Variants in ARHGEF3 observed in about 807,000 individuals in gnomAD.
ARHGEF3 encodes Rho guanine nucleotide exchange factor 3.
Under a neutral mutation model 63.2 loss-of-function variants are expected in ARHGEF3, and 28 were observed. That is an observed-to-expected ratio of 0.44 (90% CI 0.33 to 0.61). The LOEUF (loss-of-function observed/expected upper bound fraction) is 0.61. Among genes scored for constraint, ARHGEF3 ranks in the 20% least tolerant of loss-of-function variants. The pLI is 0.03. For synonymous variants in ARHGEF3, 266 were observed against 254.2 expected (o/e 1.05, Z -0.44); for missense variants, 533 against 659.3 (o/e 0.81, Z 2.10).
At chr3:57,023,692 C>T (rs1703353600) in intron 2 of ARHGEF3, among the ~76,000 whole-genome samples, 1 of 152,212 alleles carries the variant, frequency 6.6e-6, no homozygotes, top group South Asian at 2.1e-4. Context: ...TCTGTGGAGT[C>T]CGGACCTTGG....
intron 6 of ARHGEF3, among the ~76,000 whole-genome samples, chr3:56,746,498 G>A (rs2034390840): frequency 6.6e-6 from 1 of 152,192 alleles, no homozygotes; most frequent in African/African-American, 2.4e-5. Context: ...TTGGGAAGCC[G>A]GGGCAGGCGG....
intron 4 of ARHGEF3, among the ~76,000 whole-genome samples, chr3:56,847,314 A>C (rs989755047): frequency 1.3e-5 from 2 of 152,120 alleles, no homozygotes; most frequent in African/African-American, 4.8e-5. Flanking sequence ...TAATTCTAAG[A>C]CTCAAATTTG....
chr3:56,906,369 G>T (rs1024264947), intron 3 of ARHGEF3, among the ~76,000 whole-genome samples: 2 of 152,186 alleles, frequency 1.3e-5, no homozygotes, highest in Non-Finnish European at 2.9e-5. Context: ...CTGTGGATCC[G>T]CAGTGTCCGA....
chr3:56,821,079 C>G (rs1290152665), intron 4 of ARHGEF3, among the ~76,000 whole-genome samples: 4 of 151,892 alleles, frequency 2.6e-5, no homozygotes, highest in Non-Finnish European at 5.9e-5. Flanking sequence ...GCCTAGGAGA[C>G]AGAGGCTGCA....
intron 7 of ARHGEF3, among the ~76,000 whole-genome samples, chr3:56,744,743 A>G (rs2107732405): frequency 6.6e-6 from 1 of 152,228 alleles, no homozygotes; most frequent in Middle Eastern, 3.4e-3. Flanking sequence ...GGATCCCACT[A>G]GTGAGCAGGA....
intron 1 of ARHGEF3, among the ~76,000 whole-genome samples, chr3:56,797,285 C>A (rs561680640): frequency 6.6e-6 from 1 of 152,302 alleles, no homozygotes; most frequent in East Asian, 1.9e-4. Context: ...GTAAAGTCAA[C>A]ATATTTTCCT....
intron 3 of ARHGEF3, among the ~76,000 whole-genome samples, chr3:56,947,598 C>T (rs993463793): frequency 6.6e-6 from 1 of 152,110 alleles, no homozygotes; most frequent in Non-Finnish European, 1.5e-5. Context: ...TATATATGCA[C>T]CCAATACAGG....
chr3:57,040,612 G>C (rs1332364540), intron 1 of ARHGEF3, among the ~76,000 whole-genome samples: 1 of 152,136 alleles, frequency 6.6e-6, no homozygotes, highest in East Asian at 1.9e-4. Flanking sequence ...TGCTGGCAAA[G>C]TTCTGTTTCT....
At chr3:57,040,408 T>C (rs1704130847) in intron 1 of ARHGEF3, among the ~76,000 whole-genome samples, 1 of 150,820 alleles carries the variant, frequency 6.6e-6, no homozygotes. Flanking sequence ...ACCCAGGAGA[T>C]GGAGGTTGCA....
intron 1 of ARHGEF3, among the ~76,000 whole-genome samples, chr3:57,051,024 TA>T (rs1188001393): frequency 6.6e-6 from 1 of 152,184 alleles, no homozygotes; most frequent in Non-Finnish European, 1.5e-5. Flanking sequence ...TCGGAATTCA[TA>T]ACCTGTTTGC....
intron 2 of ARHGEF3, among the ~76,000 whole-genome samples, chr3:56,959,918 C>T (rs1406691506): frequency 6.6e-6 from 1 of 152,174 alleles, no homozygotes; most frequent in African/African-American, 2.4e-5. Context: ...GCAGAGGTTG[C>T]GGTGAGCCGA....
At chr3:56,750,569 A>G (rs1389509065) in intron 6 of ARHGEF3, among the ~76,000 whole-genome samples, 1 of 151,976 alleles carries the variant, frequency 6.6e-6, no homozygotes, top group Non-Finnish European at 1.5e-5. Flanking sequence ...TATGGCCTAA[A>G]AAGTTTTTTT....
In ARHGEF3 at chr3:57,029,259, C is replaced by T. The variant is rs533648074; in HGVS notation, c.62+5829G>A. 3.1e-4 allele frequency among the ~76,000 whole-genome samples: 47 copies of T among 152,204 alleles called. 1 individual carries two copies. Among genetic ancestry groups the T allele is most frequent in the South Asian group, 2.9e-3 (14 of 4,814 alleles). On this transcript the variant is annotated intron_variant, in intron 2 of 12. Coordinates refer to the ARHGEF3 transcript ENST00000338458. Reference sequence around the variant, plus strand: ...CAGCCTGACCAACATGGAGAAACCCCGTCTCTACTAAAAATACAAAATTAG... The same window carrying T: ...CAGCCTGACCAACATGGAGAAACCCTGTCTCTACTAAAAATACAAAATTAG...
At chr3:56,774,667 C>T (rs1201032922) in intron 1 of ARHGEF3, among the ~76,000 whole-genome samples, 3 of 151,972 alleles carry the variant, frequency 2.0e-5, no homozygotes, top group Non-Finnish European at 4.4e-5. Flanking sequence ...TTTGGGAGGG[C>T]GAAGTGGGTG....
intron 4 of ARHGEF3, among the ~76,000 whole-genome samples, chr3:56,875,711 C>G (rs1201823833): frequency 6.6e-6 from 1 of 152,208 alleles, no homozygotes; most frequent in Non-Finnish European, 1.5e-5. Context: ...ATTTATCTGT[C>G]CCTTTCTTTC....
rs191682028 is a variant in ARHGEF3, at chr3:56,906,009, C to T, written c.130-23655G>A. Among the ~76,000 whole-genome samples the T allele has an allele frequency of 1.8e-3, 279 of 152,154 alleles. 1 individual carries two copies. Among genetic ancestry groups the T allele is most frequent in the African/African-American group, 6.1e-3 (253 of 41,496 alleles). On this transcript the variant is annotated intron_variant, in intron 3 of 12. Coordinates refer to the ARHGEF3 transcript ENST00000338458. ...CCTCCCGAGTAGCTGGGATTACAGG[C>T]GCCTGCCACCACGCCTGGCTAATTT...
chr3:56,980,075 C>T (rs572363943), intron 2 of ARHGEF3, among the ~76,000 whole-genome samples: 2 of 152,318 alleles, frequency 1.3e-5, no homozygotes, highest in East Asian at 1.9e-4. Flanking sequence ...TGATAACTCA[C>T]GCGCACCTCA....
intron 1 of ARHGEF3, among the ~76,000 whole-genome samples, chr3:56,792,287 G>A (rs1438530715): frequency 6.6e-6 from 1 of 152,088 alleles, no homozygotes. Flanking sequence ...GTTTAAATTG[G>A]TTATAATGAG....
intron 8 of ARHGEF3, among the ~76,000 whole-genome samples, chr3:56,736,798 T>C (rs2033652392): frequency 6.6e-6 from 1 of 152,114 alleles, no homozygotes; most frequent in Admixed American, 6.6e-5. Flanking sequence ...CAATTTTTGT[T>C]TGAAAGAACG....
Sources: gnomAD v4.1 joint callset for allele counts (sites outside exome capture counted in the v4.1 genomes callset) on GRCh38, gnomAD v4.1.1 for gene constraint, MANE v1.5 for transcripts, NCBI Gene and HGNC (gene_info 2026-07-23, HGNC 2026-07-21) for gene names.